The following COL4A2 variants were observed in gnomAD, a reference collection of about 807,000 sequenced individuals.
COL4A2 encodes the protein collagen alpha-2(IV) chain.
Under a neutral mutation model 200.2 loss-of-function variants are expected in COL4A2, and 99 were observed. The ratio of observed to expected loss-of-function variants is 0.49; its 90% CI spans 0.42 to 0.58. COL4A2 has a LOEUF of 0.58. COL4A2 is among the 20% of genes least tolerant of loss of function. COL4A2 has a pLI of 0.00. For synonymous variants in COL4A2, 897 were observed against 900.6 expected (o/e 1.00, Z 0.07); for missense variants, 1,950 against 2,314.1 (o/e 0.84, Z 3.23).
rs1199062692 is a variant in COL4A2, at chr13:110,503,929, G to A, written c.4221G>A (p.Gln1407=). The part of the protein sequence containing the change: ...IAVQPGTVGP[Q]GRRGPPGAPG... ...TCCAACCAGGGACAGTGGGTCCCCA[G>A]GGGAGGCGAGGCCCCCCTGGGGCAC... Residue 1407 remains glutamine (Q), a synonymous_variant, in exon 44 of 48, where the codon CAG becomes CAA. Transcript: ENST00000360467. 2.5e-6 allele frequency: 4 copies of A among 1,596,322 alleles called. No individual in the cohort carries two copies. The highest frequency in any genetic ancestry group is 3.4e-6 in the Non-Finnish European group (4 of 1,168,896).
intron 4 of COL4A2, among the ~76,000 whole-genome samples, chr13:110,416,259 C>T (rs1880039709): frequency 6.6e-6 from 1 of 152,228 alleles, no homozygotes. Context: ...GGCCTGACAG[C>T]CAAAGCTCTC....
chr13:110,400,897 A>G (rs1566513070), intron 4 of COL4A2, among the ~76,000 whole-genome samples: 1 of 152,252 alleles, frequency 6.6e-6, no homozygotes, highest in Non-Finnish European at 1.5e-5. Context: ...AAATGATTTC[A>G]TAAGTAAACT....
chr13:110,462,415 C>G (rs772031454), intron 24 of COL4A2, 31 bp downstream of exon 24: 2 of 1,605,710 alleles, frequency 1.2e-6, no homozygotes, highest in East Asian at 4.5e-5. Context: ...GCAGCTCCGT[C>G]CTCTCTTCTT....
intron 40 of COL4A2, among the ~76,000 whole-genome samples, chr13:110,496,610 A>G: frequency 6.7e-6 from 1 of 148,458 alleles, no homozygotes; most frequent in Admixed American, 6.7e-5. Context: ...ATCTAGGGTC[A>G]GTCCACGAGC....
intron 28 of COL4A2, among the ~76,000 whole-genome samples, chr13:110,472,259 GCATC>G (rs1566553553): frequency 2.0e-5 from 3 of 151,804 alleles, no homozygotes; most frequent in African/African-American, 7.2e-5. Flanking sequence ...GGGACTACAG[GCATC>G]CGCCACCACA....
At chr13:110,376,372 A>G (rs1005014226) in intron 4 of COL4A2, among the ~76,000 whole-genome samples, 1 of 152,072 alleles carries the variant, frequency 6.6e-6, no homozygotes, top group Non-Finnish European at 1.5e-5. Context: ...GCTTGATATC[A>G]CATGAGCCTC....
At chr13:110,480,057 G>A (rs1015325308) in intron 30 of COL4A2, among the ~76,000 whole-genome samples, 163 bp from the exon 31 acceptor site, 3 of 152,168 alleles carry the variant, frequency 2.0e-5, no homozygotes, top group African/African-American at 7.2e-5. Context: ...CAGCCCCAGG[G>A]TCCCGCTCCG....
chr13:110,313,394 C>A (rs1184685144), intron 3 of COL4A2, among the ~76,000 whole-genome samples: 1 of 152,200 alleles, frequency 6.6e-6, no homozygotes, highest in Non-Finnish European at 1.5e-5. Context: ...GTCTCCAGTC[C>A]TGTTGATGTG....
chr13:110,492,275 A>AG, intron 38 of COL4A2, 98 bp downstream of exon 38: 1 of 1,062,420 alleles, frequency 9.4e-7, no homozygotes, highest in Non-Finnish European at 1.4e-6. Flanking sequence ...GCGACTTCTA[A>AG]GGCCCATACG....
intron 40 of COL4A2, among the ~76,000 whole-genome samples, chr13:110,500,596 G>A (rs1350699564): frequency 1.4e-4 from 22 of 152,124 alleles, no homozygotes; most frequent in Non-Finnish European, 1.5e-5. Flanking sequence ...AAAAACTGTT[G>A]GTTCTCATTA....
chr13:110,485,959 C>T, intron 34 of COL4A2, 123 bp downstream of exon 34: 2 of 1,461,232 alleles, frequency 1.4e-6, no homozygotes, highest in South Asian at 1.3e-5. Flanking sequence ...AGGGCAGCCT[C>T]AGGCTTGGTG....
chr13:110,330,407 CG>C (rs921335308), intron 3 of COL4A2, among the ~76,000 whole-genome samples: 4 of 149,558 alleles, frequency 2.7e-5, no homozygotes, highest in Admixed American at 6.6e-5. Context: ...GGGGTGGAGG[CG>C]GGGGGGCAGC....
chr13:110,330,247 A>C (rs1293802841), intron 3 of COL4A2, among the ~76,000 whole-genome samples: 6 of 152,182 alleles, frequency 3.9e-5, no homozygotes, highest in African/African-American at 1.4e-4. Context: ...TCGGTATTAT[A>C]ACGGTCACTA....
chr13:110,453,291 C>T (rs1242246098), intron 20 of COL4A2, among the ~76,000 whole-genome samples: 1 of 151,992 alleles, frequency 6.6e-6, no homozygotes, highest in East Asian at 1.9e-4. Flanking sequence ...CACCTGAGGT[C>T]GGGAGTTCGA....
At chr13:110,509,550 C>G (rs1204088953) in intron 47 of COL4A2, among the ~76,000 whole-genome samples, 1 of 152,004 alleles carries the variant, frequency 6.6e-6, no homozygotes, top group East Asian at 1.9e-4. Context: ...TCAGGGTGCC[C>G]CTGTGTCAGG....
intron 3 of COL4A2, among the ~76,000 whole-genome samples, chr13:110,355,522 G>T (rs1208041127): frequency 7.9e-5 from 7 of 88,764 alleles, no homozygotes; most frequent in Non-Finnish European, 1.2e-4. Context: ...GTGTGTGGGG[G>T]AGGGCTGCAC....
chr13:110,510,898 T>C (rs1050792390), intron 47 of COL4A2, among the ~76,000 whole-genome samples: 3 of 152,222 alleles, frequency 2.0e-5, no homozygotes, highest in Non-Finnish European at 2.9e-5. Context: ...TACCTGCTCA[T>C]TAGCAGACAA....
At chr13:110,461,874 A>G (rs1039030141) in intron 22 of COL4A2, 4 of 594,770 alleles carry the variant, frequency 6.7e-6, no homozygotes, top group Admixed American at 3.1e-5. Flanking sequence ...GGTACCATCC[A>G]GTTCCTCAGT....
intron 3 of COL4A2, among the ~76,000 whole-genome samples, chr13:110,330,929 C>T (rs931464162): frequency 3.9e-5 from 6 of 152,128 alleles, no homozygotes; most frequent in Non-Finnish European, 7.4e-5. Flanking sequence ...CCTTCCCCAC[C>T]ACATTCCTCT....
Sources: allele counts gnomAD v4.1 joint callset (sites outside exome capture counted in the v4.1 genomes callset), GRCh38; gene constraint gnomAD v4.1.1; transcripts MANE v1.5; gene names NCBI Gene and HGNC (gene_info 2026-07-23, HGNC 2026-07-21).